The following DDX3X variants were observed in gnomAD, a reference collection of about 807,000 sequenced individuals.
DDX3X encodes the protein ATP-dependent RNA helicase DDX3X.
Under a neutral mutation model 52.7 loss-of-function variants are expected in DDX3X, and 4 were observed. The ratio of observed to expected loss-of-function variants is 0.08; its 90% CI spans 0.04 to 0.17. The LOEUF (loss-of-function observed/expected upper bound fraction) is 0.17, where lower values mean the gene tolerates loss of function less well. Ranked by LOEUF, DDX3X falls within the 10% of genes least tolerant of loss-of-function variation. The pLI, the probability that DDX3X is intolerant of heterozygous loss-of-function variation, is 1.00. For synonymous variants in DDX3X, 192 were observed against 178.1 expected, an observed-to-expected ratio of 1.08 and a Z score of -0.62; for missense variants, 222 against 548.6, an observed-to-expected ratio of 0.40 and a Z score of 5.95.
downstream of DDX3X, chrX:41,351,055 TAGAA>T (rs775727353): frequency 4.5e-5 from 5 of 111,663 alleles, no homozygotes; most frequent in Non-Finnish European, 9.4e-5. Context: ...ATTTTGAAGA[TAGAA>T]AAGATGATGG....
rs1248732765 is a variant in DDX3X, at chrX:41,345,934, G to C, written c.1316-295G>C. The C allele has an allele frequency of 1.3e-5, 4 of 308,130 alleles. No individual in the cohort carries two copies. In the Admixed American group the frequency reaches 2.3e-4, roughly 18 times the overall value. 25.4% of individuals were successfully genotyped at this position (308,130 alleles called of 1,213,427 possible). A position where few individuals can be genotyped will look rare whatever the true frequency, so the allele number is the denominator to read the frequency against. The stretch of plus-strand genomic sequence containing the variant: ...TAACCCATTTGGGCTGGGTGCAGTG[G>C]TACAGTGCATGTAGTCCCAGCTACT... On this transcript the variant is annotated intron_variant, in intron 12 of 16. Coordinates refer to ENST00000644876, the MANE Select transcript of DDX3X (RefSeq NM_001356.5).
Position 41,349,081 on chromosome X carries a change from C to G in DDX3X, c.*1362C>G, listed in dbSNP as rs765441946. 1 of 112,132 alleles carries G rather than the reference C, an allele frequency of 8.9e-6. No individual in the cohort carries two copies. The highest frequency in any genetic ancestry group is 9.6e-5 in the Admixed American group (1 of 10,422). 9.2% of individuals were successfully genotyped at this position (112,132 alleles called of 1,213,427 possible). The stretch of plus-strand genomic sequence containing the variant: ...AATTTTGTGGCCAGAATGCGGTGAT[C>G]AAAACGCTCCATCTTTTTACAGTGG... On this transcript the variant is annotated 3_prime_UTR_variant, in exon 17 of 17. Coordinates refer to ENST00000644876, the MANE Select transcript of DDX3X (RefSeq NM_001356.5).
intron 5 of DDX3X, among the ~76,000 whole-genome samples, chrX:41,361,388 T>C (rs1355253884): frequency 9.1e-6 from 1 of 110,002 alleles, no homozygotes; most frequent in Non-Finnish European, 1.9e-5. Flanking sequence ...GGCTGGCACC[T>C]GTAATCCCAG....
At chrX:41,363,797 C>G (rs920265106) in intron 5 of DDX3X, among the ~76,000 whole-genome samples, 9 of 110,516 alleles carry the variant, frequency 8.1e-5, no homozygotes, top group African/African-American at 2.3e-4. Flanking sequence ...ACAAAAGAAA[C>G]AAACAAACAA....
intron 4 of DDX3X, 74 bp from the exon 5 acceptor site, chrX:41,342,421 C>A: frequency 9.1e-7 from 1 of 1,097,902 alleles, no homozygotes; most frequent in Non-Finnish European, 1.2e-6. Flanking sequence ...TCTCCAGATA[C>A]AGTTCTAGAG....
Position 41,337,452 on chromosome X carries a change from A to G in DDX3X, c.90A>G (p.Gly30=), listed in dbSNP as rs1409195834. 1 of 1,206,028 alleles carries G rather than the reference A, an allele frequency of 8.3e-7. No individual in the cohort carries two copies. The highest frequency in any genetic ancestry group is 3.0e-5 in the East Asian group (1 of 33,794). Residue 30 remains glycine (G), a synonymous_variant, in exon 2 of 17, where the codon GGA becomes GGG. Coordinates refer to ENST00000644876, the MANE Select transcript of DDX3X (RefSeq NM_001356.5). ...ACTCTTCAGATAATCAGAGTGGAGG[A>G]AGTACAGCCAGCAGTAAGTACAACA... is the stretch of plus-strand genomic sequence containing the variant. The part of the protein sequence containing the change: ...DLNSSDNQSG[G]STASKGRYIP...
chrX:41,340,516 C>G (rs1182472732), intron 3 of DDX3X: 1 of 205,590 alleles, frequency 4.9e-6, no homozygotes, highest in Non-Finnish European at 8.8e-6. Context: ...TTTAAACCCT[C>G]TACCTGTCTT....
chrX:41,346,663 G>T (rs1349576106), intron 14 of DDX3X, 41 bp downstream of exon 14: 1 of 1,065,279 alleles, frequency 9.4e-7, no homozygotes, highest in Non-Finnish European at 1.3e-6. Context: ...GTTTTTTGCT[G>T]TGATGTGTGC....
Position 41,347,841 on chromosome X carries a change from C to A in DDX3X, c.*122C>A. On this transcript the variant is annotated 3_prime_UTR_variant, in exon 17 of 17. Coordinates refer to ENST00000644876, the MANE Select transcript of DDX3X (RefSeq NM_001356.5). ...GTACATTACCAGCTGTGATTCTCCA[C>A]TGAAATTTTTTTTTTAAGGGAGCTC... 2.1e-6 allele frequency: 1 copy of A among 483,855 alleles called. No individual in the cohort carries two copies. The highest frequency in any genetic ancestry group is 3.4e-6 in the Non-Finnish European group (1 of 292,508). 39.9% of individuals were successfully genotyped at this position (483,855 alleles called of 1,213,427 possible). A position where few individuals can be genotyped will look rare whatever the true frequency, so the allele number is the denominator to read the frequency against.
chrX:41,343,604 A>G, intron 7 of DDX3X, 133 bp from the exon 8 acceptor site: 1 of 607,130 alleles, frequency 1.6e-6, no homozygotes, highest in Non-Finnish European at 2.5e-6. Flanking sequence ...GGAGCAGAGA[A>G]GCCACTTTTT....
intron 1 of DDX3X, 144 bp from the exon 2 acceptor site, chrX:41,337,264 C>G (rs2063784611): frequency 6.0e-6 from 3 of 497,802 alleles, no homozygotes; most frequent in Non-Finnish European, 7.1e-6. Flanking sequence ...TAGTCACATT[C>G]TCATTAAGGG....
chrX:41,350,570 AAGTC>A (rs1400429825), downstream of DDX3X: 1 of 111,554 alleles, frequency 9.0e-6, no homozygotes, highest in Non-Finnish European at 1.9e-5. Flanking sequence ...AGCAGGATAA[AAGTC>A]AAGTGTGTCA....
downstream of DDX3X, among the ~76,000 whole-genome samples, chrX:41,352,707 T>TA (rs1022844234): frequency 9.0e-6 from 1 of 111,650 alleles, no homozygotes; most frequent in African/African-American, 3.3e-5. Context: ...GAAATGATTC[T>TA]AGGGCAACTC....
downstream of DDX3X, chrX:41,350,322 T>TG (rs1358478419): frequency 8.9e-6 from 1 of 112,536 alleles, no homozygotes; most frequent in African/African-American, 3.2e-5. Context: ...TTTTTTGAGA[T>TG]GCCTCTTGGA....
intron 1 of DDX3X, chrX:41,334,568 TGC>T (rs1346158930): frequency 1.8e-6 from 2 of 1,086,760 alleles, no homozygotes; most frequent in African/African-American, 1.8e-5. Flanking sequence ...GGGGAGGAAG[TGC>T]GCGCGCTCTC....
chrX:41,357,016 C>A (rs751645830), intron 5 of DDX3X, among the ~76,000 whole-genome samples: 158 of 101,988 alleles, frequency 1.5e-3, no homozygotes, highest in African/African-American at 5.4e-3. Context: ...TCACTGCAAC[C>A]TGTACCTCCT....
intron 6 of DDX3X, 145 bp downstream of exon 6, chrX:41,342,981 C>A: frequency 1.7e-6 from 1 of 573,360 alleles, no homozygotes; most frequent in South Asian, 3.1e-5. Flanking sequence ...TCAGTGTCAC[C>A]ATTATGAATA....
chrX:41,347,266 G>C, intron 15 of DDX3X, 46 bp from the exon 16 acceptor site: 4 of 1,167,973 alleles, frequency 3.4e-6, no homozygotes, highest in Non-Finnish European at 4.6e-6. Context: ...GGTTACTTTA[G>C]TGGAATTTCA....
chrX:41,352,601 TGTA>T (rs1569244107), downstream of DDX3X, among the ~76,000 whole-genome samples: 2 of 111,278 alleles, frequency 1.8e-5, no homozygotes, highest in Admixed American at 9.7e-5. Context: ...CACTGGGAGA[TGTA>T]GTGATTAATT....
Sources: gnomAD v4.1 joint callset for allele counts (sites outside exome capture counted in the v4.1 genomes callset) on GRCh38, gnomAD v4.1.1 for gene constraint, MANE v1.5 for transcripts, NCBI Gene and HGNC (gene_info 2026-07-23, HGNC 2026-07-21) for gene names.